Variants in TRAPPC9 observed in about 807,000 individuals in gnomAD.
The protein encoded by TRAPPC9 is IKK2 binding protein.
A neutral mutation model predicts 124.0 loss-of-function variants in TRAPPC9; 83 were observed. That is an observed-to-expected ratio of 0.67 (90% confidence interval 0.56 to 0.80). The LOEUF (loss-of-function observed/expected upper bound fraction) is 0.80, where lower values mean the gene tolerates loss of function less well. Ranked by LOEUF, TRAPPC9 falls within the 30% of genes least tolerant of loss-of-function variation. The probability of loss-of-function intolerance (pLI) is 0.00; values close to 1 mark genes in which losing one functional copy is unlikely to be tolerated. For missense variants in TRAPPC9, 1,302 were observed against 1,508.3 expected (o/e 0.86, Z 2.27); for synonymous variants, 638 against 617.5 (o/e 1.03, Z -0.49).
chr8:139,989,574 C>T (rs1348795004), intron 18 of TRAPPC9, among the ~76,000 whole-genome samples: 13 of 152,222 alleles, frequency 8.5e-5, no homozygotes, highest in Admixed American at 8.5e-4. Flanking sequence ...AGGCTTTTAG[C>T]CTTCCGCCTT....
At chr8:139,740,767 TC>T (rs1457687147) in intron 21 of TRAPPC9, among the ~76,000 whole-genome samples, 1 of 152,202 alleles carries the variant, frequency 6.6e-6, no homozygotes, top group Non-Finnish European at 1.5e-5. Context: ...ACTGGAGCCA[TC>T]CTGGGGCAGA....
chr8:139,792,286 C>T (rs1822746556), intron 21 of TRAPPC9, among the ~76,000 whole-genome samples: 1 of 152,104 alleles, frequency 6.6e-6, no homozygotes, highest in South Asian at 2.1e-4. Context: ...TTCTGGAGGA[C>T]ATGCCTAAGT....
chr8:139,955,245 A>C (rs1016765223), intron 19 of TRAPPC9, among the ~76,000 whole-genome samples: 15 of 152,092 alleles, frequency 9.9e-5, no homozygotes, highest in African/African-American at 3.1e-4. Flanking sequence ...AGGAATGATC[A>C]GGGCCAGAAG....
chr8:139,874,064 G>A (rs1378009155), intron 21 of TRAPPC9, among the ~76,000 whole-genome samples: 1 of 152,228 alleles, frequency 6.6e-6, no homozygotes. Context: ...CTGGCCACAG[G>A]CACGCACGCT....
At chr8:140,187,098 T>G (rs1353721991) in intron 17 of TRAPPC9, among the ~76,000 whole-genome samples, 1 of 152,260 alleles carries the variant, frequency 6.6e-6, no homozygotes, top group Non-Finnish European at 1.5e-5. Flanking sequence ...TTCAGATTTC[T>G]GAATACAGTC....
intron 5 of TRAPPC9, among the ~76,000 whole-genome samples, chr8:140,411,397 A>C (rs2069701577): frequency 6.6e-6 from 1 of 152,196 alleles, no homozygotes; most frequent in South Asian, 2.1e-4. Context: ...GCTGGAGTGC[A>C]GTGGCGAAAT....
chr8:139,739,071 G>A (rs1002282827), intron 21 of TRAPPC9, among the ~76,000 whole-genome samples: 1 of 152,180 alleles, frequency 6.6e-6, no homozygotes, highest in African/African-American at 2.4e-5. Context: ...GAGAGGCCCT[G>A]AGCCTCAGGC....
intron 21 of TRAPPC9, among the ~76,000 whole-genome samples, chr8:139,782,510 A>G (rs1240587098): frequency 4.6e-5 from 7 of 152,258 alleles, no homozygotes; most frequent in African/African-American, 1.7e-4. Flanking sequence ...CAATTCCTCA[A>G]AAAATACATA....
At chr8:140,266,720 C>T (rs1319019317) in intron 15 of TRAPPC9, among the ~76,000 whole-genome samples, 1 of 149,752 alleles carries the variant, frequency 6.7e-6, no homozygotes, top group Admixed American at 6.6e-5. Context: ...ATTAGCCGGG[C>T]GTGGTGGTGG....
At chr8:140,285,789 C>G (rs2065465649) in intron 13 of TRAPPC9, among the ~76,000 whole-genome samples, 1 of 152,146 alleles carries the variant, frequency 6.6e-6, no homozygotes, top group African/African-American at 2.4e-5. Context: ...CCCACTCACT[C>G]TCCCCGCTGG....
At chr8:140,185,914 C>T (rs2062344696) in intron 17 of TRAPPC9, among the ~76,000 whole-genome samples, 1 of 152,124 alleles carries the variant, frequency 6.6e-6, no homozygotes, top group Non-Finnish European at 1.5e-5. Context: ...CCAGGAGGCC[C>T]TCAAGGCCTG....
At chr8:140,426,703 T>C in intron 4 of TRAPPC9, 62 bp from the exon 5 acceptor site, 2 of 1,484,166 alleles carry the variant, frequency 1.3e-6, no homozygotes, top group Non-Finnish European at 9.4e-7. Context: ...TAAAAATAAC[T>C]ACTAAAACAC....
intron 17 of TRAPPC9, among the ~76,000 whole-genome samples, chr8:140,060,346 G>A (rs1241742008): frequency 6.6e-6 from 1 of 152,222 alleles, no homozygotes; most frequent in Non-Finnish European, 1.5e-5. Context: ...CCTGCCTGCA[G>A]GAGTTTCACT....
chr8:139,939,262 G>A (rs1833748189), intron 19 of TRAPPC9, among the ~76,000 whole-genome samples: 1 of 152,210 alleles, frequency 6.6e-6, no homozygotes. Flanking sequence ...ACCTCTGCTG[G>A]ACACCGGGGT....
chr8:139,764,709 T>A (rs1338863749), intron 21 of TRAPPC9, among the ~76,000 whole-genome samples: 1 of 152,074 alleles, frequency 6.6e-6, no homozygotes, highest in Non-Finnish European at 1.5e-5. Context: ...TGTCCTGGTG[T>A]GTACGTAGGG....
chr8:140,448,702 A>G (rs1275266850), intron 2 of TRAPPC9, among the ~76,000 whole-genome samples: 3 of 152,248 alleles, frequency 2.0e-5, no homozygotes, highest in African/African-American at 7.2e-5. Context: ...CAAGCTGTGC[A>G]CACCATACAG....
intron 15 of TRAPPC9, among the ~76,000 whole-genome samples, chr8:140,253,699 A>G (rs2064181919): frequency 6.6e-6 from 1 of 152,052 alleles, no homozygotes; most frequent in Admixed American, 6.5e-5. Context: ...AAAACATCAA[A>G]TCAAAGAATT....
In TRAPPC9 at chr8:140,298,654, A is replaced by AT. The variant is rs563796959; in HGVS notation, c.1768+1814_1768+1815insA. On this transcript the variant is annotated intron_variant, in intron 11 of 22. Transcript: ENST00000438773. Reference sequence around the variant, plus strand: ...GTGACAGAGCTAGACCCTGTCTCAAAGAAAAAAAAAAGATGATGTGCTACA... The same window carrying AT: ...GTGACAGAGCTAGACCCTGTCTCAAATGAAAAAAAAAAGATGATGTGCTACA... Among the ~76,000 whole-genome samples, 229 of 134,680 alleles carry AT rather than the reference A, an allele frequency of 1.7e-3. 1 individual carries two copies. Among genetic ancestry groups the AT allele is most frequent in the African/African-American group, 6.1e-3 (222 of 36,354 alleles). 88.4% of individuals were successfully genotyped at this position (134,680 alleles called of 152,430 possible).
intron 17 of TRAPPC9, among the ~76,000 whole-genome samples, chr8:140,029,714 A>C (rs1587535794): frequency 6.6e-6 from 1 of 151,444 alleles, no homozygotes; most frequent in African/African-American, 2.4e-5. Flanking sequence ...ACAAACATGT[A>C]AATTAGAAAG....
Sources: gnomAD v4.1 joint callset for allele counts (sites outside exome capture counted in the v4.1 genomes callset) on GRCh38, gnomAD v4.1.1 for gene constraint, MANE v1.5 for transcripts, NCBI Gene and HGNC (gene_info 2026-07-23, HGNC 2026-07-21) for gene names.